Variants in DENND4C observed in about 807,000 individuals in gnomAD.
DENND4C encodes the protein DENN domain-containing protein 4C.
Under a neutral mutation model 203.0 loss-of-function variants are expected in DENND4C, and 108 were observed. The ratio of observed to expected loss-of-function variants is 0.53; its 90% CI spans 0.46 to 0.62. The LOEUF is 0.62. Ranked by LOEUF, DENND4C falls within the 20% of genes least tolerant of loss-of-function variation. The pLI is 0.00. For synonymous variants in DENND4C, 871 were observed against 792.4 expected (o/e 1.10, Z -1.67); for missense variants, 2,481 against 2,301.2 (o/e 1.08, Z -1.60).
At position 19,332,043 on chromosome 9, in the gene DENND4C, T is replaced by C. The variant is rs1819341762; in HGVS notation, c.2319T>C (p.Cys773=). The change falls in exon 17 of 33, where the codon TGT becomes TGC. Residue 773 remains cysteine (C), a synonymous_variant. Transcript: ENST00000434457. The stretch of plus-strand genomic sequence containing the variant: ...CAAATCCACCACAGTGGGCCAAGTG[T>C]CTGTTTAGTCATTGTTACAGTTTAT... ...CYTNPPQWAK[C]LFSHCYSLWF... 6.2e-7 allele frequency: 1 copy of C among 1,613,986 alleles called. No individual in the cohort carries two copies. The highest frequency in any genetic ancestry group is 1.3e-5 in the African/African-American group (1 of 74,926).
intron 1 of DENND4C, among the ~76,000 whole-genome samples, chr9:19,252,728 CACACA>C (rs1826942630): frequency 6.6e-6 from 1 of 151,826 alleles, no homozygotes; most frequent in African/African-American, 2.4e-5. Flanking sequence ...CACACACACA[CACACA>C]CACACACATA....
intron 29 of DENND4C, among the ~76,000 whole-genome samples, chr9:19,360,968 G>GT (rs1274639364): frequency 1.3e-5 from 2 of 152,102 alleles, no homozygotes; most frequent in Non-Finnish European, 2.9e-5. Flanking sequence ...CCTTTTTCTG[G>GT]GTTCAAGTGA....
rs1824290997 is a variant in DENND4C at position 19,352,167 on chromosome 9, G to C, written c.4590G>C (p.Gln1530His). 2 of 1,613,728 alleles carry C rather than the reference G, an allele frequency of 1.2e-6. No homozygotes were observed. The highest frequency in any genetic ancestry group is 1.7e-6 in the Non-Finnish European group (2 of 1,179,820). Residue 1530 changes from glutamine to histidine, a missense_variant, in exon 25 of 33, where the codon CAG (glutamine) becomes CAC (histidine). By Grantham distance (24) the Gln-to-His change is conservative. This residue lies in a region of DENND4C where 2,289 missense variants were observed against 2,113.3 expected (regional missense o/e 1.08). Transcript: ENST00000434457. ...ATACCAGCATGTCTAGCATCTATCA[G>C]AATTGTGCAATGGAGGTAAAAGTTC... ...SQNTSMSSIY[Q>H]NCAMEVLMSS...
rs375210578 is a variant in DENND4C at position 19,342,826 on chromosome 9, T to C, written c.3151+47T>C. On this transcript the variant is annotated intron_variant, in intron 22 of 32. Coordinates refer to ENST00000434457, the MANE Select transcript of DENND4C (RefSeq NM_001330640.2). ...ATTAAATATTTAAAATATACTTTTA[T>C]AGACTCATATGTGTCTTTAATGACA... 8 of 1,441,094 alleles carry C rather than the reference T, an allele frequency of 5.6e-6. No homozygotes were observed. In the African/African-American group the frequency reaches 1.0e-4, roughly 18 times the overall value. The allele number at this position is 1,441,094 out of a possible 1,614,324, so 89.3% of individuals were successfully genotyped here.
chr9:19,254,108 C>T (rs993536040), intron 1 of DENND4C, among the ~76,000 whole-genome samples: 9 of 151,960 alleles, frequency 5.9e-5, no homozygotes, highest in African/African-American at 1.2e-4. Context: ...ATGGGTATGG[C>T]GAAAGAGAAC....
intron 30 of DENND4C, among the ~76,000 whole-genome samples, chr9:19,362,494 T>A (rs892806537): frequency 1.3e-5 from 2 of 151,978 alleles, no homozygotes; most frequent in African/African-American, 2.4e-5. Flanking sequence ...CAAATTATTT[T>A]GCTTTATTTT....
At chr9:19,253,115 C>T (rs904818585) in intron 1 of DENND4C, among the ~76,000 whole-genome samples, 11 of 152,158 alleles carry the variant, frequency 7.2e-5, no homozygotes, top group African/African-American at 2.7e-4. Context: ...TGCCTTCTTA[C>T]GTAGTGTTGT....
intron 2 of DENND4C, among the ~76,000 whole-genome samples, chr9:19,284,947 A>T (rs544966115): frequency 6.6e-6 from 1 of 152,216 alleles, no homozygotes; most frequent in South Asian, 2.1e-4. Context: ...TTTGAGTCAT[A>T]GTCTTTTCCC....
intron 22 of DENND4C, 37 bp downstream of exon 22, chr9:19,342,816 T>C: frequency 6.7e-7 from 1 of 1,496,588 alleles, no homozygotes; most frequent in Non-Finnish European, 8.9e-7. Context: ...ATATTTAAAA[T>C]ATACTTTTAT....
At chr9:19,369,402 A>G (rs1327223119) in intron 30 of DENND4C, among the ~76,000 whole-genome samples, 1 of 152,212 alleles carries the variant, frequency 6.6e-6, no homozygotes, top group African/African-American at 2.4e-5. Flanking sequence ...ACACTGCCAC[A>G]TAATTTTACT....
chr9:19,301,749 C>T lies in DENND4C; in HGVS notation c.1311+1418C>T, dbSNP rs564984287. On this transcript the variant is annotated intron_variant, in intron 9 of 32. Transcript: ENST00000434457. ...GTCAAGAGATCGAGACCATCCTGGCCAACATGGTGAAACTCCATTTCTACT... is the reference window on the plus strand; with the variant it reads ...GTCAAGAGATCGAGACCATCCTGGCTAACATGGTGAAACTCCATTTCTACT... Among the ~76,000 whole-genome samples the T allele has an allele frequency of 1.1e-4, 16 of 152,214 alleles. No homozygotes were observed. The South Asian group carries it at 3.3e-3, about 32-fold the overall frequency.
rs146514611 is a variant in DENND4C, at chr9:19,333,837, G to A, written c.2461-1140G>A. Among the ~76,000 whole-genome samples the A allele has an allele frequency of 2.9e-3, 446 of 152,224 alleles. 2 individuals carry two copies. The highest frequency in any genetic ancestry group is 9.7e-3 in the African/African-American group (403 of 41,524). On this transcript the variant is annotated intron_variant, in intron 17 of 32. Coordinates refer to ENST00000434457, the MANE Select transcript of DENND4C (RefSeq NM_001330640.2). ...TGGTGTTAAGATAACTATAAATGAT[G>A]TTTTGAACTAGATTAGAATTAAAAA... is the stretch of plus-strand genomic sequence containing the variant.
rs1274320573 is a variant in DENND4C, at chr9:19,295,429, C to G, written c.802-579C>G. ...CTGAGTCAGGAGAATGGCGTGAACC[C>G]AGGAGGTGGAGCTTGCAGTGAGCCG... On this transcript the variant is annotated intron_variant, in intron 5 of 32. Coordinates refer to ENST00000434457, the MANE Select transcript of DENND4C (RefSeq NM_001330640.2). 2.0e-5 allele frequency among the ~76,000 whole-genome samples: 3 copies of G among 151,852 alleles called. No individual in the cohort carries two copies. The South Asian group carries it at 6.2e-4, about 32-fold the overall frequency.
chr9:19,263,813 G>T (rs988266373), intron 1 of DENND4C, among the ~76,000 whole-genome samples: 1 of 151,674 alleles, frequency 6.6e-6, no homozygotes, highest in Non-Finnish European at 1.5e-5. Context: ...CCACCACCAC[G>T]CCCGGCTAAA....
intron 18 of DENND4C, among the ~76,000 whole-genome samples, chr9:19,335,879 A>T (rs1453972531): frequency 6.6e-6 from 1 of 152,192 alleles, no homozygotes; most frequent in Non-Finnish European, 1.5e-5. Context: ...TATACCCAGT[A>T]ATAGGATTGC....
At chr9:19,261,943 G>A (rs1040032424) in intron 1 of DENND4C, among the ~76,000 whole-genome samples, 1 of 151,766 alleles carries the variant, frequency 6.6e-6, no homozygotes, top group Non-Finnish European at 1.5e-5. Context: ...TATTTTATTT[G>A]TAGATACTGT....
chr9:19,295,659 G>A (rs1193957962), intron 5 of DENND4C, among the ~76,000 whole-genome samples: 1 of 135,328 alleles, frequency 7.4e-6, no homozygotes, highest in East Asian at 2.1e-4. Flanking sequence ...GACTGAGTGA[G>A]ACTCCATCTC....
chr9:19,356,932 G>A, intron 26 of DENND4C, 40 bp from the exon 27 acceptor site: 2 of 1,570,910 alleles, frequency 1.3e-6, no homozygotes, highest in East Asian at 2.2e-5. Context: ...AAAACTTGAG[G>A]ATTTTTAAAG....
chr9:19,300,052 A>G, intron 8 of DENND4C, 135 bp from the exon 9 acceptor site: 2 of 872,172 alleles, frequency 2.3e-6, no homozygotes, highest in Non-Finnish European at 3.2e-6. Context: ...TAAATTTGCT[A>G]CTTTTCATTG....
Sources: allele counts gnomAD v4.1 joint callset (sites outside exome capture counted in the v4.1 genomes callset), GRCh38; gene constraint gnomAD v4.1.1; regional missense constraint gnomAD v4.1.1; transcripts MANE v1.5; gene names NCBI Gene and HGNC (gene_info 2026-07-23, HGNC 2026-07-21).